Variants in BCORL1 observed in about 807,000 individuals in gnomAD.
The protein encoded by BCORL1 is BCL-6 corepressor-like protein 1.
BCORL1 carries 7 observed loss-of-function variants against 87.6 expected under a neutral mutation model. The ratio of observed to expected loss-of-function variants is 0.08; its 90% confidence interval spans 0.05 to 0.15. The LOEUF is 0.15. BCORL1 is among the 10% of genes least tolerant of loss of function. The pLI is 1.00. For missense variants in BCORL1, 1,215 were observed against 1,499.7 expected, an observed-to-expected ratio of 0.81 and a Z score of 3.13; for synonymous variants, 591 against 634.4, an observed-to-expected ratio of 0.93 and a Z score of 1.03.
At position 129,984,052 on chromosome X, in the gene BCORL1, C is replaced by T. The variant is rs1489872255; in HGVS notation, c.-45+1290C>T. 1.1e-4 allele frequency among the ~76,000 whole-genome samples: 8 copies of T among 72,944 alleles called. No individual in the cohort carries two copies. The South Asian group carries it at 2.2e-3, about 20-fold the overall frequency. 63.3% of individuals were successfully genotyped at this position (72,944 alleles called of 115,157 possible). On this transcript the variant is annotated intron_variant, in intron 1 of 13. Coordinates refer to ENST00000540052, the MANE Select transcript of BCORL1 (RefSeq NM_001379451.1). ...GAGCTGGATTCGAGCGGATCGCGGC[C>T]GGGGAGTGGGAGGGCTTAGTGGTGG...
intron 1 of BCORL1, among the ~76,000 whole-genome samples, chrX:129,992,869 A>T (rs1357823832): frequency 5.4e-5 from 6 of 110,852 alleles, no homozygotes; most frequent in Non-Finnish European, 1.1e-4. Context: ...AATTGTCTTT[A>T]GGTGAAAAAT....
intron 8 of BCORL1, among the ~76,000 whole-genome samples, chrX:130,030,483 A>G (rs1254102578): frequency 2.7e-5 from 3 of 111,421 alleles, no homozygotes; most frequent in Non-Finnish European, 5.7e-5. Flanking sequence ...GTGCGAGGTT[A>G]TTGGGTGGTC....
At chrX:130,012,510 T>C in intron 2 of BCORL1, 68 bp from the exon 3 acceptor site, 1 of 956,261 alleles carries the variant, frequency 1.0e-6, no homozygotes, top group South Asian at 2.1e-5. Context: ...GGAGGCATTC[T>C]GGGGAAGGTG....
intron 8 of BCORL1, among the ~76,000 whole-genome samples, chrX:130,029,636 C>CTTATTTT (rs1930456186): frequency 9.4e-6 from 1 of 106,938 alleles, no homozygotes. Context: ...GGTCGTGATT[C>CTTATTTT]TTATTTTTTT....
rs763990233 is a variant in BCORL1, at chrX:130,051,809, C to T, written c.4919-51C>T. On this transcript the variant is annotated intron_variant, in intron 12 of 13. Transcript: ENST00000540052. ...ATCTGCTTAGCGCATTTCTTTTCTTCGGTTTTGTACATGTATCTGAGTCCT... is the reference window on the plus strand; with the variant it reads ...ATCTGCTTAGCGCATTTCTTTTCTTTGGTTTTGTACATGTATCTGAGTCCT... 1.1e-5 allele frequency: 12 copies of T among 1,075,375 alleles called. No homozygotes were observed. The highest frequency in any genetic ancestry group is 2.6e-4 in the Middle Eastern group (1 of 3,835). 88.6% of individuals were successfully genotyped at this position (1,075,375 alleles called of 1,213,427 possible). A position where few individuals can be genotyped will look rare whatever the true frequency, so the allele number is the denominator to read the frequency against.
chrX:130,026,127 C>T (rs1490288936), intron 7 of BCORL1, among the ~76,000 whole-genome samples: 2 of 111,691 alleles, frequency 1.8e-5, no homozygotes, highest in African/African-American at 6.5e-5. Context: ...TCTAAATGAG[C>T]AAAAAGCACA....
intron 1 of BCORL1, among the ~76,000 whole-genome samples, chrX:129,984,544 A>G (rs1445668610): frequency 9.0e-6 from 1 of 110,784 alleles, no homozygotes; most frequent in African/African-American, 3.3e-5. Flanking sequence ...CGGGGAAGGG[A>G]TAGGGAGGTG....
chrX:130,047,311 G>C (rs977082052), intron 11 of BCORL1, among the ~76,000 whole-genome samples: 9 of 111,183 alleles, frequency 8.1e-5, no homozygotes, highest in African/African-American at 2.6e-4. Context: ...AGGGCTGGAA[G>C]CGTGGCTGGG....
chrX:130,027,881 C>A (rs887574501), intron 7 of BCORL1, among the ~76,000 whole-genome samples: 1 of 111,936 alleles, frequency 8.9e-6, no homozygotes, highest in African/African-American at 3.2e-5. Flanking sequence ...CCCCTACACA[C>A]GGGGTTAGGA....
Position 130,016,137 on chromosome X carries a change from G to A in BCORL1, c.3365G>A (p.Gly1122Asp), listed in dbSNP as rs142200097. 5.0e-6 allele frequency: 6 copies of A among 1,209,276 alleles called. No individual in the cohort carries two copies. The Admixed American group carries it at 1.1e-4, about 22-fold the overall frequency. The part of the protein sequence containing the change: ...ESLPPKKMKC[G>D]KEKDSEEQQL... ...CTGCCGCCCAAGAAGATGAAGTGCG[G>A]CAAAGAGAAGGACAGTGAAGAGCAG... The change falls in exon 4 of 14, where the codon GGC becomes GAC. Residue 1122 changes from glycine to aspartate, a missense_variant. This residue lies in a region of BCORL1 where 861 missense variants were observed against 1,010.0 expected (regional missense o/e 0.85). Transcript: ENST00000540052.
At chrX:129,997,036 G>T (rs1361335324) in intron 1 of BCORL1, among the ~76,000 whole-genome samples, 1 of 111,241 alleles carries the variant, frequency 9.0e-6, no homozygotes, top group Non-Finnish European at 1.9e-5. Context: ...TATGCATGAT[G>T]ACAACCATGC....
At chrX:130,052,590 C>A (rs1253749232) in intron 13 of BCORL1, among the ~76,000 whole-genome samples, 3 of 112,105 alleles carry the variant, frequency 2.7e-5, no homozygotes, top group Admixed American at 9.4e-5. Context: ...TAGATTGAAC[C>A]CAATTTAATA....
rs1486422955 is a variant in BCORL1 at position 130,012,582 on chromosome X, G to A, written c.91G>A (p.Ala31Thr). 2.5e-6 allele frequency: 3 copies of A among 1,208,119 alleles called. No individual in the cohort carries two copies. The highest frequency in any genetic ancestry group is 2.2e-5 in the Admixed American group (1 of 45,979). ...TGGTTGTATCTTCCATGCTAGAAGAGCACCTCTTTCTGATGAGGAGTCAAC... is the reference window on the plus strand; with the variant it reads ...TGGTTGTATCTTCCATGCTAGAAGAACACCTCTTTCTGATGAGGAGTCAAC... ...RMCGINEERR[A>T]PLSDEESTTG... is the part of the protein sequence containing the mutation. Residue 31 changes from alanine (A) to threonine (T), a missense_variant, in exon 3 of 14, where the codon GCA becomes ACA. Transcript: ENST00000540052.
At chrX:129,991,638 G>T (rs867988499) in intron 1 of BCORL1, among the ~76,000 whole-genome samples, 3 of 105,206 alleles carry the variant, frequency 2.9e-5, no homozygotes, top group Middle Eastern at 4.7e-3. Context: ...CACTGTGCCC[G>T]GCAGAAAATA....
chrX:130,017,559 T>A (rs1156975904), intron 4 of BCORL1, among the ~76,000 whole-genome samples: 1 of 110,950 alleles, frequency 9.0e-6, no homozygotes, highest in Non-Finnish European at 1.9e-5. Flanking sequence ...GCTACTAACT[T>A]GCAGAGCTAG....
At chrX:130,035,952 CT>C (rs1930917327) in intron 9 of BCORL1, among the ~76,000 whole-genome samples, 1 of 112,873 alleles carries the variant, frequency 8.9e-6, no homozygotes, top group Non-Finnish European at 1.9e-5. Flanking sequence ...AGCAGCACCC[CT>C]GACACAGGCT....
intron 1 of BCORL1, among the ~76,000 whole-genome samples, chrX:129,997,152 C>T (rs1342252751): frequency 9.0e-6 from 1 of 111,065 alleles, no homozygotes; most frequent in Non-Finnish European, 1.9e-5. Flanking sequence ...GATTTTGGTG[C>T]TGCCTATCCT....
At chrX:130,002,526 A>G (rs1170036496) in intron 1 of BCORL1, among the ~76,000 whole-genome samples, 1 of 96,104 alleles carries the variant, frequency 1.0e-5, no homozygotes, top group Non-Finnish European at 2.1e-5. Context: ...ACTGAAGGCC[A>G]AAGAGTAGAG....
At chrX:129,992,551 G>C (rs1054579941) in intron 1 of BCORL1, among the ~76,000 whole-genome samples, 1 of 112,210 alleles carries the variant, frequency 8.9e-6, no homozygotes, top group African/African-American at 3.2e-5. Flanking sequence ...TGAACCCATA[G>C]CTGAGTCTGT....
Sources: gnomAD v4.1 joint callset for allele counts (sites outside exome capture counted in the v4.1 genomes callset) on GRCh38, gnomAD v4.1.1 for gene constraint, gnomAD v4.1.1 regional missense constraint, MANE v1.5 for transcripts, NCBI Gene and HGNC (gene_info 2026-07-23, HGNC 2026-07-21) for gene names.